Variants in HTR4 observed in about 807,000 individuals in gnomAD.
The protein encoded by HTR4 is 5-hydroxytryptamine (serotonin) receptor 4, G protein-coupled.
HTR4 carries 16 observed loss-of-function variants against 36.8 expected under a neutral mutation model. The observed-to-expected ratio is 0.43, with a 90% CI of 0.29 to 0.66. The LOEUF (loss-of-function observed/expected upper bound fraction) is 0.66. Among genes scored for constraint, HTR4 ranks in the 30% least tolerant of loss-of-function variants. The pLI is 0.13. For missense variants in HTR4, 438 were observed against 490.9 expected, an observed-to-expected ratio of 0.89 and a Z score of 1.02; for synonymous variants, 189 against 185.1, an observed-to-expected ratio of 1.02 and a Z score of -0.17.
intron 6 of HTR4, among the ~76,000 whole-genome samples, chr5:148,507,511 C>T (rs929810228): frequency 2.0e-5 from 3 of 150,404 alleles, no homozygotes; most frequent in Non-Finnish European, 4.4e-5. Flanking sequence ...TACCCTAGAA[C>T]TTAAAGTATA....
intron 6 of HTR4, among the ~76,000 whole-genome samples, chr5:148,488,216 T>C (rs1029652528): frequency 4.6e-5 from 7 of 152,188 alleles, no homozygotes; most frequent in African/African-American, 1.4e-4. Context: ...TTCCCAAACA[T>C]AGGATGTGTT....
chr5:148,562,457 T>C (rs1760258533), intron 2 of HTR4, among the ~76,000 whole-genome samples: 1 of 152,194 alleles, frequency 6.6e-6, no homozygotes, highest in African/African-American at 2.4e-5. Context: ...CGCCAGAAAC[T>C]GAGCATCTTG....
At chr5:148,608,535 T>C (rs1459020802) in intron 2 of HTR4, among the ~76,000 whole-genome samples, 2 of 152,174 alleles carry the variant, frequency 1.3e-5, no homozygotes, top group African/African-American at 4.8e-5. Flanking sequence ...GAAAGTGGTA[T>C]GATACAATAT....
intron 2 of HTR4, among the ~76,000 whole-genome samples, chr5:148,556,745 A>G (rs1759967786): frequency 6.6e-6 from 1 of 152,130 alleles, no homozygotes; most frequent in Non-Finnish European, 1.5e-5. Flanking sequence ...TGCAGTTCTC[A>G]CAGACCCCTA....
At chr5:148,476,799 T>C (rs1581352091), downstream of HTR4, 4 of 1,610,104 alleles carry the variant, frequency 2.5e-6, no homozygotes, top group East Asian at 2.2e-5. Context: ...GAAAAGCATA[T>C]CAAAATGTCA....
At chr5:148,537,966 A>G (rs187563133) in intron 4 of HTR4, among the ~76,000 whole-genome samples, 9 of 152,292 alleles carry the variant, frequency 5.9e-5, no homozygotes, top group South Asian at 4.2e-4. Flanking sequence ...ATGAATATCA[A>G]TGCAAAAATC....
At chr5:148,642,979 C>A (rs781449062) in intron 1 of HTR4, among the ~76,000 whole-genome samples, 80 of 151,968 alleles carry the variant, frequency 5.3e-4, no homozygotes, top group Admixed American at 9.8e-4. Flanking sequence ...AAAAAAGAAG[C>A]CTTTTCACAT....
chr5:148,565,988 A>G (rs924576495), intron 2 of HTR4, among the ~76,000 whole-genome samples: 5 of 152,182 alleles, frequency 3.3e-5, no homozygotes, highest in Non-Finnish European at 5.9e-5. Context: ...AAAAAGCCTT[A>G]AAAACATTCA....
intron 5 of HTR4, among the ~76,000 whole-genome samples, chr5:148,461,288 T>C (rs1755272392): frequency 6.6e-6 from 1 of 151,936 alleles, no homozygotes; most frequent in South Asian, 2.1e-4. Context: ...CTTTGAATGA[T>C]AATTGGCCTA....
chr5:148,631,649 T>C (rs1049918602), intron 2 of HTR4, among the ~76,000 whole-genome samples: 2 of 152,168 alleles, frequency 1.3e-5, no homozygotes, highest in African/African-American at 4.8e-5. Context: ...AATCAACTTT[T>C]CTGTTTAAAA....
intron 6 of HTR4, among the ~76,000 whole-genome samples, chr5:148,488,215 A>C (rs1756254512): frequency 6.6e-6 from 1 of 152,212 alleles, no homozygotes. Context: ...TTTCCCAAAC[A>C]TAGGATGTGT....
intron 2 of HTR4, among the ~76,000 whole-genome samples, chr5:148,588,444 A>C (rs2127255183): frequency 6.6e-6 from 1 of 152,190 alleles, no homozygotes; most frequent in Middle Eastern, 3.4e-3. Context: ...GGGAAGAAAA[A>C]GCCTTTACTG....
At chr5:148,452,143 G>A (rs1371476900) in intron 5 of HTR4, among the ~76,000 whole-genome samples, 1 of 152,198 alleles carries the variant, frequency 6.6e-6, no homozygotes, top group Non-Finnish European at 1.5e-5. Flanking sequence ...ATAATTTATT[G>A]TTGATTTGTA....
intron 5 of HTR4, among the ~76,000 whole-genome samples, chr5:148,465,422 T>A (rs538488398): frequency 8.5e-5 from 13 of 152,290 alleles, no homozygotes; most frequent in East Asian, 3.9e-4. Context: ...AAAACTTTTT[T>A]AAAAAGTACC....
chr5:148,509,453 C>T lies in HTR4; in HGVS notation c.1076+3G>A. On this transcript the variant is annotated splice_donor_region_variant and intron_variant, in intron 6 of 6. Transcript: ENST00000377888. ...AATCAATGAACTCCCTTAGTATACTCACCTTAGTACATGTGTGGATCCATT... is the reference window on the plus strand; with the variant it reads ...AATCAATGAACTCCCTTAGTATACTTACCTTAGTACATGTGTGGATCCATT... 2 of 1,593,274 alleles carry T rather than the reference C, an allele frequency of 1.3e-6. No individual in the cohort carries two copies. Among genetic ancestry groups the T allele is most frequent in the Non-Finnish European group, 1.7e-6 (2 of 1,167,478 alleles).
intron 4 of HTR4, among the ~76,000 whole-genome samples, chr5:148,524,560 G>T (rs549232961): frequency 2.6e-5 from 4 of 152,144 alleles, no homozygotes; most frequent in African/African-American, 7.2e-5. Context: ...GACCGTTCCT[G>T]CATGTTACTC....
chr5:148,514,723 A>G (rs1437666086), intron 5 of HTR4, among the ~76,000 whole-genome samples: 2 of 152,172 alleles, frequency 1.3e-5, no homozygotes, highest in African/African-American at 4.8e-5. Context: ...TTTATAGACT[A>G]TTATAAGGTT....
intron 2 of HTR4, among the ~76,000 whole-genome samples, chr5:148,587,059 G>A (rs1391448474): frequency 2.0e-5 from 3 of 152,094 alleles, no homozygotes; most frequent in African/African-American, 2.4e-5. Flanking sequence ...AACCCCCACT[G>A]CTCCCTATTG....
intron 6 of HTR4, among the ~76,000 whole-genome samples, chr5:148,494,490 C>G (rs903181529): frequency 7.9e-5 from 12 of 152,188 alleles, no homozygotes; most frequent in African/African-American, 2.9e-4. Context: ...CTCATTTTCA[C>G]TTTTTTTCTA....
Sources: gnomAD v4.1 joint callset for allele counts (sites outside exome capture counted in the v4.1 genomes callset) on GRCh38, gnomAD v4.1.1 for gene constraint, MANE v1.5 for transcripts, NCBI Gene and HGNC (gene_info 2026-07-23, HGNC 2026-07-21) for gene names.